PKHD1: variants seen among roughly 807,000 people sequenced by gnomAD.
The protein encoded by PKHD1 is fibrocystin.
Under a neutral mutation model 412.0 loss-of-function variants are expected in PKHD1, and 291 were observed. The observed-to-expected ratio is 0.71, with a 90% CI of 0.64 to 0.78. The LOEUF (loss-of-function observed/expected upper bound fraction) is 0.78. Among genes scored for constraint, PKHD1 ranks in the 30% least tolerant of loss-of-function variants. The pLI is 0.00. For missense variants in PKHD1, 4,825 were observed against 4,950.7 expected (o/e 0.97, Z 0.76); for synonymous variants, 1,777 against 1,821.5 (o/e 0.98, Z 0.62).
intron 37 of PKHD1, among the ~76,000 whole-genome samples, chr6:51,929,625 T>C (rs1490775867): frequency 2.0e-5 from 3 of 152,154 alleles, no homozygotes. Flanking sequence ...CTCTAGCAAC[T>C]ATGAAAATAG....
At chr6:51,894,331 G>T (rs1157355517) in intron 43 of PKHD1, among the ~76,000 whole-genome samples, 1 of 152,180 alleles carries the variant, frequency 6.6e-6, no homozygotes, top group Non-Finnish European at 1.5e-5. Flanking sequence ...TCACCCATGG[G>T]TCCTCACTGG....
intron 27 of PKHD1, among the ~76,000 whole-genome samples, chr6:52,037,863 C>T (rs369488109): frequency 2.6e-5 from 4 of 152,140 alleles, no homozygotes; most frequent in South Asian, 4.1e-4. Flanking sequence ...TGCACATGTA[C>T]AAAATGGGAC....
intron 39 of PKHD1, among the ~76,000 whole-genome samples, chr6:51,910,588 T>C (rs909707070): frequency 2.0e-5 from 3 of 152,156 alleles, no homozygotes; most frequent in Non-Finnish European, 4.4e-5. Flanking sequence ...CAATCAAGGA[T>C]GTTTTCCATT....
intron 35 of PKHD1, among the ~76,000 whole-genome samples, chr6:51,960,610 CT>C (rs1223484342): frequency 6.6e-6 from 1 of 152,150 alleles, no homozygotes; most frequent in African/African-American, 2.4e-5. Context: ...CCCACTCGGC[CT>C]TTTTTGATAT....
At chr6:51,897,426 G>A (rs1167420665) in intron 43 of PKHD1, among the ~76,000 whole-genome samples, 4 of 152,024 alleles carry the variant, frequency 2.6e-5, no homozygotes, top group Non-Finnish European at 5.9e-5. Context: ...CCTCATAAGT[G>A]AAGGAGAAAT....
rs760283175 is a variant in PKHD1, at chr6:51,934,287, C to A, written c.5944G>T (p.Glu1982Ter). The A allele has an allele frequency of 1.2e-6, 2 of 1,613,090 alleles. No individual in the cohort carries two copies. The highest frequency in any genetic ancestry group is 1.9e-4 in the Middle Eastern group (1 of 5,292). ...ACAAGGATGGCGTGTGCCCTGAGCT[C>A]GATGGGTCCTGGGGCCATGAAAATC... ...KLIFMAPGPI[E>*]LRAHAILVSD... Residue 1982 changes from glutamate to a stop codon, truncating the protein, a stop_gained, in exon 37 of 67, where the codon GAG (glutamate) becomes TAG (stop). Transcript: ENST00000371117. LOFTEE classifies it high-confidence loss of function.
chr6:51,800,915 G>A (rs374889622), intron 52 of PKHD1, among the ~76,000 whole-genome samples: 3 of 152,152 alleles, frequency 2.0e-5, no homozygotes, highest in African/African-American at 7.2e-5. Context: ...CTATTTGTGG[G>A]CTTGTTATTT....
At chr6:51,740,858 T>C (rs1451410322) in intron 60 of PKHD1, among the ~76,000 whole-genome samples, 2 of 152,216 alleles carry the variant, frequency 1.3e-5, no homozygotes, top group Non-Finnish European at 2.9e-5. Flanking sequence ...GTATTTTTAG[T>C]GCAGTAAACA....
At chr6:51,880,980 G>A (rs1411712612) in intron 46 of PKHD1, among the ~76,000 whole-genome samples, 4 of 147,478 alleles carry the variant, frequency 2.7e-5, no homozygotes, top group East Asian at 2.0e-4. Context: ...AAAAAAAAAA[G>A]AAAGTGTTAA....
In PKHD1 at chr6:51,627,112, T is replaced by C; in HGVS notation, c.11670A>G (p.Thr3890=). 6.2e-7 allele frequency: 1 copy of C among 1,611,944 alleles called. No individual in the cohort carries two copies. The highest frequency in any genetic ancestry group is 8.5e-7 in the Non-Finnish European group (1 of 1,178,156). Residue 3890 remains threonine (T), a synonymous_variant, in exon 66 of 67, where the codon ACA becomes ACG. Coordinates refer to ENST00000371117, the MANE Select transcript of PKHD1 (RefSeq NM_138694.4). ...GGGATTCAGGAATCTCTTCAGGTTTTGTTTCTGTATTAATGGAGAAGAAAA... is the reference window on the plus strand; with the variant it reads ...GGGATTCAGGAATCTCTTCAGGTTTCGTTTCTGTATTAATGGAGAAGAAAA... ...CWLKRSKSRK[T]KPEEIPESQT...
chr6:51,925,455 A>ATGTGTG (rs70977319), intron 37 of PKHD1, among the ~76,000 whole-genome samples: 6 of 144,884 alleles, frequency 4.1e-5, no homozygotes, highest in Non-Finnish European at 9.1e-5. Flanking sequence ...GTGTGTGTGT[A>ATGTGTG]TGTGTGTGTG....
chr6:51,669,722 G>T (rs1159373775), intron 60 of PKHD1, among the ~76,000 whole-genome samples: 2 of 136,612 alleles, frequency 1.5e-5, no homozygotes, highest in Admixed American at 7.6e-5. Flanking sequence ...CTTTGAATGA[G>T]TCCCAGAGAT....
intron 37 of PKHD1, among the ~76,000 whole-genome samples, chr6:51,919,431 A>G (rs184339897): frequency 1.8e-4 from 27 of 152,266 alleles, no homozygotes; most frequent in Non-Finnish European, 4.0e-4. Context: ...CAAAGATCAG[A>G]TGGTTGTAGA....
intron 55 of PKHD1, among the ~76,000 whole-genome samples, chr6:51,762,601 G>C (rs901015459): frequency 1.2e-4 from 18 of 151,792 alleles, no homozygotes; most frequent in African/African-American, 4.3e-4. Flanking sequence ...AGCTTATAAA[G>C]TTAACATGAA....
intron 35 of PKHD1, among the ~76,000 whole-genome samples, chr6:51,981,362 T>TC (rs1176755210): frequency 9.1e-5 from 6 of 66,234 alleles, no homozygotes; most frequent in Non-Finnish European, 6.1e-5. Flanking sequence ...CCTCTCCCTC[T>TC]CCCTCTCCCT....
intron 60 of PKHD1, among the ~76,000 whole-genome samples, chr6:51,694,445 G>A (rs145354982): frequency 0.015 from 2,189 of 150,420 alleles, 60 homozygotes; most frequent in East Asian, 0.091. Context: ...ATGCAGTGGC[G>A]TGATCTCGGC....
At chr6:51,881,954 G>T (rs538417305) in intron 46 of PKHD1, among the ~76,000 whole-genome samples, 6 of 152,168 alleles carry the variant, frequency 3.9e-5, no homozygotes, top group Admixed American at 2.6e-4. Context: ...GATTATTTTT[G>T]ATTATCTCAT....
At chr6:51,679,845 C>A (rs543200878) in intron 60 of PKHD1, among the ~76,000 whole-genome samples, 1 of 152,132 alleles carries the variant, frequency 6.6e-6, no homozygotes. Context: ...CATCTCATTT[C>A]TCCACCCTTC....
At chr6:51,704,617 ACT>A (rs908886579) in intron 60 of PKHD1, among the ~76,000 whole-genome samples, 2 of 152,056 alleles carry the variant, frequency 1.3e-5, no homozygotes, top group African/African-American at 4.8e-5. Flanking sequence ...AGTCTTTGTG[ACT>A]CTGTGAAGGA....
Sources: gnomAD v4.1 joint callset for allele counts (sites outside exome capture counted in the v4.1 genomes callset) on GRCh38, gnomAD v4.1.1 for gene constraint, MANE v1.5 for transcripts, NCBI Gene and HGNC (gene_info 2026-07-23, HGNC 2026-07-21) for gene names.